Variants in MARK3 observed in about 807,000 individuals in gnomAD.
MARK3 encodes the protein MAP/microtubule affinity-regulating kinase 3.
In MARK3, 46 loss-of-function variants were observed where a neutral mutation model predicts 90.1. The observed-to-expected ratio is 0.51, with a 90% CI of 0.40 to 0.65. The LOEUF (loss-of-function observed/expected upper bound fraction) is 0.65, where lower values mean the gene tolerates loss of function less well. Ranked by LOEUF, MARK3 falls within the 30% of genes least tolerant of loss-of-function variation. MARK3 has a pLI of 0.00. For missense variants in MARK3, 818 were observed against 947.2 expected (o/e 0.86, Z 1.79); for synonymous variants, 321 against 332.6 (o/e 0.97, Z 0.38).
In MARK3 at chr14:103,482,393, C is replaced by T. The variant is rs550011590; in HGVS notation, c.1586+1903C>T. Among the ~76,000 whole-genome samples, 13 of 152,058 alleles carry T rather than the reference C, an allele frequency of 8.5e-5. No individual in the cohort carries two copies. The South Asian group carries it at 1.2e-3, about 15-fold the overall frequency. On this transcript the variant is annotated intron_variant, in intron 14 of 17. Coordinates refer to ENST00000429436, the MANE Select transcript of MARK3 (RefSeq NM_001128918.3). ...AAAATTAACCATGTGTGGTGGCACGCGCCTGTAGTCCCAGCTACCAGGGAG... is the reference window on the plus strand; with the variant it reads ...AAAATTAACCATGTGTGGTGGCACGTGCCTGTAGTCCCAGCTACCAGGGAG...
intron 14 of MARK3, among the ~76,000 whole-genome samples, chr14:103,482,920 G>A (rs2093852658): frequency 6.6e-6 from 1 of 152,128 alleles, no homozygotes; most frequent in Admixed American, 6.6e-5. Flanking sequence ...TTCTGAAGGT[G>A]TCGTCTTTCT....
chr14:103,428,634 A>G (rs1412103519), intron 3 of MARK3, among the ~76,000 whole-genome samples, 194 bp downstream of exon 3: 1 of 152,144 alleles, frequency 6.6e-6, no homozygotes, highest in Non-Finnish European at 1.5e-5. Context: ...TTATTTTTAA[A>G]TGTTCTTAAC....
At chr14:103,449,412 C>CA (rs34657716) in intron 4 of MARK3, among the ~76,000 whole-genome samples, 37,847 of 83,680 alleles carry the variant, frequency 0.45, 7,435 homozygotes, top group Non-Finnish European at 0.49. Flanking sequence ...CCCGTCTCTC[C>CA]AAAAAAAAAA....
intron 1 of MARK3, among the ~76,000 whole-genome samples, chr14:103,392,252 C>T (rs945634984): frequency 6.6e-6 from 1 of 152,200 alleles, no homozygotes; most frequent in African/African-American, 2.4e-5. Context: ...CTGTAGAGGC[C>T]ATATACCTGG....
At chr14:103,404,137 GTTTCA>G (rs1417356096) in intron 1 of MARK3, among the ~76,000 whole-genome samples, 1 of 152,190 alleles carries the variant, frequency 6.6e-6, no homozygotes, top group Non-Finnish European at 1.5e-5. Flanking sequence ...AAACACCTGA[GTTTCA>G]TTTCCTTTGA....
rs145566536 is a variant in MARK3 at position 103,472,765 on chromosome 14, T to G, written c.1265-2228T>G. 1.5e-4 allele frequency among the ~76,000 whole-genome samples: 23 copies of G among 152,140 alleles called. No homozygotes were observed. The East Asian group carries it at 4.5e-3, about 29-fold the overall frequency. On this transcript the variant is annotated intron_variant, in intron 12 of 17. Coordinates refer to ENST00000429436, the MANE Select transcript of MARK3 (RefSeq NM_001128918.3). The stretch of plus-strand genomic sequence containing the variant: ...GCTCACGCCTGTAATCCCAACACTT[T>G]GAGAGGCCGAGGCAGGCAGATCACG...
intron 14 of MARK3, among the ~76,000 whole-genome samples, chr14:103,486,913 T>TTTAC (rs2093940107): frequency 1.3e-5 from 2 of 151,442 alleles, no homozygotes; most frequent in Non-Finnish European, 2.9e-5. Context: ...AGTTTATTTA[T>TTTAC]TTATTTATTT....
At chr14:103,399,517 G>A (rs1166980987) in intron 1 of MARK3, among the ~76,000 whole-genome samples, 2 of 152,008 alleles carry the variant, frequency 1.3e-5, no homozygotes, top group African/African-American at 4.8e-5. Context: ...AGACCACGGT[G>A]AAACCTCGTC....
At chr14:103,392,623 A>C (rs2090329946) in intron 1 of MARK3, among the ~76,000 whole-genome samples, 1 of 152,210 alleles carries the variant, frequency 6.6e-6, no homozygotes, top group South Asian at 2.1e-4. Flanking sequence ...TATCAAAGGA[A>C]GATTTCCAGA....
rs372387213 is a variant in MARK3 at position 103,469,082 on chromosome 14, CAAG to C, written c.1264+900_1264+902del. The stretch of plus-strand genomic sequence containing the variant: ...GTTTTGTGTATCTGTGCTGTCCAGT[CAAG>C]AAGCTACTGGCCACTTGTGGCTATC... On this transcript the variant is annotated intron_variant, in intron 12 of 17. Coordinates refer to ENST00000429436, the MANE Select transcript of MARK3 (RefSeq NM_001128918.3). 53 of 152,244 alleles carry C rather than the reference CAAG, an allele frequency of 3.5e-4. 1 individual carries two copies. In the East Asian group the frequency reaches 9.8e-3, roughly 28 times the overall value. 9.4% of individuals were successfully genotyped at this position (152,244 alleles called of 1,614,324 possible).
rs34312214 is a variant in MARK3 at position 103,485,063 on chromosome 14, C to CAAAAAAAAAA, written c.1586+4581_1586+4590dup. Reference sequence around the variant, plus strand: ...AGAAACCCCATCTCTACTAAAAATACAAAAAAAAAAAAAAAAATTAGCCAG... The same window carrying CAAAAAAAAAA: ...AGAAACCCCATCTCTACTAAAAATACAAAAAAAAAAAAAAAAAAAAAAAAAAATTAGCCAG... On this transcript the variant is annotated intron_variant, in intron 14 of 17. Transcript: ENST00000429436. Among the ~76,000 whole-genome samples the CAAAAAAAAAA allele has an allele frequency of 1.2e-4, 12 of 97,748 alleles. 1 individual carries two copies. The highest frequency in any genetic ancestry group is 3.7e-4 in the African/African-American group (9 of 24,578). 64.1% of individuals were successfully genotyped at this position (97,748 alleles called of 152,430 possible). A position where few individuals can be genotyped will look rare whatever the true frequency, so the allele number is the denominator to read the frequency against.
At chr14:103,484,342 G>T (rs1360658426) in intron 14 of MARK3, among the ~76,000 whole-genome samples, 1 of 151,870 alleles carries the variant, frequency 6.6e-6, no homozygotes, top group Non-Finnish European at 1.5e-5. Context: ...ACACCTGGCT[G>T]ATTTTTGTAT....
At chr14:103,475,735 A>C (rs1595862960) in intron 13 of MARK3, among the ~76,000 whole-genome samples, 1 of 152,156 alleles carries the variant, frequency 6.6e-6, no homozygotes, top group East Asian at 1.9e-4. Context: ...TCACGAGGTC[A>C]GGAGTTCAAG....
At chr14:103,459,087 T>C (rs2093342063) in intron 6 of MARK3, among the ~76,000 whole-genome samples, 1 of 152,242 alleles carries the variant, frequency 6.6e-6, no homozygotes, top group Admixed American at 6.5e-5. Context: ...ACTGTACTCT[T>C]AATTTTTATA....
At chr14:103,400,260 AC>A (rs768564212) in intron 1 of MARK3, among the ~76,000 whole-genome samples, 36 of 151,956 alleles carry the variant, frequency 2.4e-4, no homozygotes, top group Admixed American at 6.6e-4. Context: ...GGCATTACCA[AC>A]CCCTACCCCC....
chr14:103,427,493 G>T (rs1188953972), intron 2 of MARK3, among the ~76,000 whole-genome samples: 1,010 of 12,298 alleles, frequency 0.082, 9 homozygotes, highest in Admixed American at 0.17. Context: ...GAGGGAGACT[G>T]TTTCAAAAAA....
intron 1 of MARK3, among the ~76,000 whole-genome samples, chr14:103,401,994 T>A (rs922249365): frequency 1.3e-5 from 2 of 152,136 alleles, no homozygotes; most frequent in African/African-American, 4.8e-5. Context: ...GACTCAAAGC[T>A]AGAGTCTACT....
intron 1 of MARK3, among the ~76,000 whole-genome samples, chr14:103,388,767 CAG>C (rs1184959181): frequency 6.6e-6 from 1 of 152,132 alleles, no homozygotes; most frequent in Admixed American, 6.6e-5. Flanking sequence ...AATGGAGTCA[CAG>C]TGTAAATAAT....
chr14:103,466,556 G>A, intron 10 of MARK3, 114 bp downstream of exon 10: 1 of 656,976 alleles, frequency 1.5e-6, no homozygotes, highest in Non-Finnish European at 2.7e-6. Context: ...CAAGTCATAT[G>A]AACAGTTTAT....
Sources: gnomAD v4.1 joint callset for allele counts (sites outside exome capture counted in the v4.1 genomes callset) on GRCh38, gnomAD v4.1.1 for gene constraint, MANE v1.5 for transcripts, NCBI Gene and HGNC (gene_info 2026-07-23, HGNC 2026-07-21) for gene names.